The following RTN2 variants were observed in gnomAD, a reference collection of about 807,000 sequenced individuals.
The protein encoded by RTN2 is reticulon-2.
A neutral mutation model predicts 63.7 loss-of-function variants in RTN2; 36 were observed. That is an observed-to-expected ratio of 0.56 (90% confidence interval 0.43 to 0.75). The LOEUF (loss-of-function observed/expected upper bound fraction) is 0.75. Among genes scored for constraint, RTN2 ranks in the 30% least tolerant of loss-of-function variants. The pLI, the probability that RTN2 is intolerant of heterozygous loss-of-function variation, is 0.00. For missense variants in RTN2, 673 were observed against 705.1 expected, an observed-to-expected ratio of 0.95 and a Z score of 0.52; for synonymous variants, 312 against 313.0, an observed-to-expected ratio of 1.00 and a Z score of 0.03.
At position 45,489,428 on chromosome 19, in the gene RTN2, G is replaced by A. The variant is rs771745205; in HGVS notation, c.1159C>T (p.Leu387=). The A allele has an allele frequency of 6.2e-7, 1 of 1,609,938 alleles. No individual in the cohort carries two copies. The stretch of plus-strand genomic sequence containing the variant: ...CTGAGAGAGATGGTGCCGCAGAGCA[G>A]CAACAGAGCCAAGTGCGCGGCCACG... ...VSVAAHLALL[L]LCGTISLRVY... Residue 387 remains leucine, a synonymous_variant, in exon 6 of 11, where the codon CTG becomes TTG. Coordinates refer to ENST00000245923, the MANE Select transcript of RTN2 (RefSeq NM_005619.5).
At chr19:45,486,722 C>T (rs199604920) in intron 9 of RTN2, among the ~76,000 whole-genome samples, 6 of 123,342 alleles carry the variant, frequency 4.9e-5, no homozygotes, top group South Asian at 5.3e-4. Context: ...TTTTTTTTTT[C>T]TTTTTCTTTC....
In RTN2 at chr19:45,494,590, G is replaced by T; in HGVS notation, c.495C>A (p.Ser165=). Residue 165 remains serine (S), a synonymous_variant, in exon 3 of 11, where the codon TCC becomes TCA. Transcript: ENST00000245923. This position sits in a 1 kb window ranked among gnomAD's most constrained non-coding sequence, Gnocchi z 5.3. ...GGGGTTCTTCGTCTTCCAGCGGGGT[G>T]GAGCTGCTGGTGGAAGAGTCCTCCC... ...GSGEDSSTSS[S]TPLEDEEPQE... 1 of 1,614,076 alleles carries T rather than the reference G, an allele frequency of 6.2e-7. No individual in the cohort carries two copies. The highest frequency in any genetic ancestry group is 8.5e-7 in the Non-Finnish European group (1 of 1,180,026).
At position 45,488,784 on chromosome 19, in the gene RTN2, C is replaced by T. The variant is rs150201074; in HGVS notation, c.1380+64G>A. On this transcript the variant is annotated intron_variant, in intron 7 of 10. Coordinates refer to ENST00000245923, the MANE Select transcript of RTN2 (RefSeq NM_005619.5). Reference sequence around the variant, plus strand: ...TGTGAATTTACCCAACAGTCGCCCTCCCACCCCCTAGCCATGCAGAGGTGA... The same window carrying T: ...TGTGAATTTACCCAACAGTCGCCCTTCCACCCCCTAGCCATGCAGAGGTGA... 7.3e-5 allele frequency: 117 copies of T among 1,593,378 alleles called. No homozygotes were observed. In the African/African-American group the frequency reaches 1.4e-3, roughly 19 times the overall value.
chr19:45,492,114 C>T (rs1968173384), intron 5 of RTN2, among the ~76,000 whole-genome samples: 1 of 152,100 alleles, frequency 6.6e-6, no homozygotes, highest in African/African-American at 2.4e-5. Flanking sequence ...ATACCCTTAG[C>T]AACACATGTT....
rs34799041 is a variant in RTN2 at position 45,487,032 on chromosome 19, C to CTTTTTTTT, written c.1498-927_1498-920dup. ...ACAAGCGTGAGCCACCATGCCCAGC[C>CTTTTTTTT]TTTTTTTTTTTTTTTTTTTTTTTTT... On this transcript the variant is annotated intron_variant, in intron 9 of 10. Coordinates refer to ENST00000245923, the MANE Select transcript of RTN2 (RefSeq NM_005619.5). Among the ~76,000 whole-genome samples the CTTTTTTTT allele has an allele frequency of 5.6e-4, 22 of 39,180 alleles. 5 individuals carry two copies. The highest frequency in any genetic ancestry group is 9.8e-4 in the African/African-American group (10 of 10,196). The allele number at this position is 39,180 out of a possible 152,430, so 25.7% of individuals were successfully genotyped here.
At position 45,494,613 on chromosome 19, in the gene RTN2, C is replaced by T; in HGVS notation, c.472G>A (p.Glu158Lys). The change falls in exon 3 of 11, where the codon GAG (glutamate) becomes AAG (lysine). Residue 158 changes from glutamate to lysine, a missense_variant. Transcript: ENST00000245923. The surrounding 1 kb of genome is among the most constrained non-coding windows in gnomAD (Gnocchi z 5.3). ...GWVARGTGSG[E>K]DSSTSSSTPL... is the part of the protein sequence containing the mutation. ...GTGGAGCTGCTGGTGGAAGAGTCCT[C>T]CCCGGATCCCGTTCCCCGGGCCACC... is the stretch of plus-strand genomic sequence containing the variant. The T allele has an allele frequency of 6.2e-7, 1 of 1,613,958 alleles. No homozygotes were observed. Among genetic ancestry groups the T allele is most frequent in the Non-Finnish European group, 8.5e-7 (1 of 1,180,022 alleles).
chr19:45,494,378 T>C lies in RTN2; in HGVS notation c.602A>G (p.Glu201Gly). ...CGGACTGAGCTGGGGAGTCAAGACC[T>C]CGGGCGATGAGGGCTGAGCAAGTCG... ...RLRLAQPSSP[E>G]VLTPQLSPGS... Residue 201 changes from glutamate (E) to glycine (G), a missense_variant, in exon 4 of 11, where the codon GAG becomes GGG. Glu to Gly is a moderately conservative substitution (Grantham distance 98). Coordinates refer to ENST00000245923, the MANE Select transcript of RTN2 (RefSeq NM_005619.5). The surrounding 1 kb of genome is among the most constrained non-coding windows in gnomAD (Gnocchi z 5.3). The C allele has an allele frequency of 6.2e-7, 1 of 1,613,922 alleles. No individual in the cohort carries two copies. The highest frequency in any genetic ancestry group is 8.5e-7 in the Non-Finnish European group (1 of 1,179,898).
chr19:45,492,120 A>G (rs184783974), intron 5 of RTN2, among the ~76,000 whole-genome samples: 248 of 152,112 alleles, frequency 1.6e-3, no homozygotes, highest in Non-Finnish European at 2.7e-3. Context: ...TTAGCAACAC[A>G]TGTTTCTAAG....
At chr19:45,496,620 G>A in intron 1 of RTN2, 172 bp downstream of exon 1, 2 of 411,676 alleles carry the variant, frequency 4.9e-6, no homozygotes, top group Non-Finnish European at 8.7e-6. Flanking sequence ...GGTCCTCCGG[G>A]TCAGGCTACC....
chr19:45,486,149 G>C, intron 9 of RTN2, 36 bp from the exon 10 acceptor site: 1 of 1,594,560 alleles, frequency 6.3e-7, no homozygotes. Context: ...GAAGGGATTG[G>C]AGGGGTTTCT....
At chr19:45,491,508 G>A (rs1467413009) in intron 5 of RTN2, among the ~76,000 whole-genome samples, 1 of 149,928 alleles carries the variant, frequency 6.7e-6, no homozygotes, top group East Asian at 2.0e-4. Context: ...TCACAGGCAT[G>A]AGCTGCCATG....
rs561968273 is a variant in RTN2, at chr19:45,495,095, C to T, written c.79G>A (p.Gly27Arg). 20 of 1,614,148 alleles carry T rather than the reference C, an allele frequency of 1.2e-5. No homozygotes were observed. In the East Asian group the frequency reaches 1.8e-4, roughly 14 times the overall value. The stretch of plus-strand genomic sequence containing the variant: ...CCTTCACATGCTCCCCACCACTTAC[C>T]TTCTGTGGAATCAGGAGTTGAGGAG... ...TASSTPDSTE[G>R]GNDDSDFREL... The change falls in exon 2 of 11, where the codon GGA becomes AGA. Residue 27 changes from glycine to arginine, a missense_variant and splice_region_variant. By Grantham distance (125) the Gly-to-Arg change is moderately radical. Coordinates refer to ENST00000245923, the MANE Select transcript of RTN2 (RefSeq NM_005619.5).
chr19:45,489,437 C>G lies in RTN2; in HGVS notation c.1150G>C (p.Ala384Pro). 1.9e-6 allele frequency: 3 copies of G among 1,610,980 alleles called. No homozygotes were observed. The highest frequency in any genetic ancestry group is 2.5e-6 in the Non-Finnish European group (3 of 1,178,742). Residue 384 changes from alanine to proline, a missense_variant, in exon 6 of 11, where the codon GCT (alanine) becomes CCT (proline). Ala to Pro is a conservative substitution (Grantham distance 27, BLOSUM62 -1). Coordinates refer to ENST00000245923, the MANE Select transcript of RTN2 (RefSeq NM_005619.5). ...ATGGTGCCGCAGAGCAGCAACAGAG[C>G]CAAGTGCGCGGCCACGGACACGATG... is the stretch of plus-strand genomic sequence containing the variant. ...FSIVSVAAHL[A>P]LLLLCGTISL...
Position 45,485,670 on chromosome 19 carries a change from G to A in RTN2, c.*38C>T, listed in dbSNP as rs777060551. On this transcript the variant is annotated 3_prime_UTR_variant, in exon 11 of 11. Transcript: ENST00000245923. Reference sequence around the variant, plus strand: ...ATGGAGGGGGCCAGAGGGCTGCGGGGGCTGGGGGCAGGCGTCCTGCGGGCA... The same window carrying A: ...ATGGAGGGGGCCAGAGGGCTGCGGGAGCTGGGGGCAGGCGTCCTGCGGGCA... The A allele has an allele frequency of 4.5e-6, 7 of 1,549,186 alleles. No homozygotes were observed. The highest frequency in any genetic ancestry group is 2.2e-5 in the East Asian group (1 of 44,564).
chr19:45,488,711 G>A lies in RTN2; in HGVS notation c.1381-5C>T, dbSNP rs951380754. On this transcript the variant is annotated splice_region_variant and splice_polypyrimidine_tract_variant and intron_variant, in intron 7 of 10. Transcript: ENST00000245923. ...GATGTAGAAGAGGAGGGCCAGCTGG[G>A]GGTGAAGGTCAGGGTCAGCAGAGCC... The A allele has an allele frequency of 1.4e-5, 23 of 1,613,228 alleles. No individual in the cohort carries two copies. The highest frequency in any genetic ancestry group is 1.9e-5 in the Non-Finnish European group (23 of 1,179,740).
Position 45,489,676 on chromosome 19 carries a change from C to CTTTT in RTN2, c.1034-127_1034-124dup, listed in dbSNP as rs200770145. On this transcript the variant is annotated intron_variant, in intron 5 of 10. Coordinates refer to ENST00000245923, the MANE Select transcript of RTN2 (RefSeq NM_005619.5). ...ACCTGTTTGAGCATAACCTGATTTC[C>CTTTT]TTTTTTTTTTTTTTTTTTTGAGAGA... 4,547 of 500,088 alleles carry CTTTT rather than the reference C, an allele frequency of 9.1e-3. 109 individuals carry two copies. The highest frequency in any genetic ancestry group is 0.055 in the African/African-American group (2,336 of 42,374). The allele number at this position is 500,088 out of a possible 1,614,324, so 31.0% of individuals were successfully genotyped here.
At position 45,486,283 on chromosome 19, in the gene RTN2, G is replaced by A. The variant is rs565601964; in HGVS notation, c.1498-170C>T. On this transcript the variant is annotated intron_variant, in intron 9 of 10. Coordinates refer to ENST00000245923, the MANE Select transcript of RTN2 (RefSeq NM_005619.5). ...AATACATTAGATGCCAGAGATGCCA[G>A]TTATAGGGTCAGTGAGTTGGGCCAT... Among the ~76,000 whole-genome samples, 3 of 152,306 alleles carry A rather than the reference G, an allele frequency of 2.0e-5. No individual in the cohort carries two copies. The East Asian group carries it at 5.8e-4, about 29-fold the overall frequency.
chr19:45,489,237 A>G, intron 6 of RTN2, 109 bp downstream of exon 6: 2 of 1,072,068 alleles, frequency 1.9e-6, no homozygotes, highest in South Asian at 2.9e-5. Context: ...GGGATGAAAA[A>G]TGATCAAGAT....
At position 45,486,735 on chromosome 19, in the gene RTN2, TC is replaced by T. The variant is rs200336268; in HGVS notation, c.1498-623del. ...TCTTTTTTTTTTCTTTTTCTTTCTTTCTTTTTTTTTTTTTCCTGAGACGGAG... is the reference window on the plus strand; with the variant it reads ...TCTTTTTTTTTTCTTTTTCTTTCTTTTTTTTTTTTTTTTCCTGAGACGGAG... On this transcript the variant is annotated intron_variant, in intron 9 of 10. Transcript: ENST00000245923. Among the ~76,000 whole-genome samples the T allele has an allele frequency of 2.9e-4, 43 of 146,224 alleles. 5 individuals are homozygous for T. Among genetic ancestry groups the T allele is most frequent in the African/African-American group, 4.8e-4 (19 of 39,844 alleles).
Sources: gnomAD v4.1 joint callset for allele counts (sites outside exome capture counted in the v4.1 genomes callset) on GRCh38, gnomAD v4.1.1 for gene constraint, Gnocchi (gnomAD v3.1) non-coding constraint, MANE v1.5 for transcripts, NCBI Gene and HGNC (gene_info 2026-07-23, HGNC 2026-07-21) for gene names.